The following CDKAL1 variants were observed in gnomAD, a reference collection of about 807,000 sequenced individuals.
CDKAL1 encodes threonylcarbamoyladenosine tRNA methylthiotransferase.
Under a neutral mutation model 68.2 loss-of-function variants are expected in CDKAL1, and 32 were observed. The observed-to-expected ratio is 0.47, with a 90% CI of 0.35 to 0.63. CDKAL1 has a LOEUF of 0.63. Ranked by LOEUF, CDKAL1 falls within the 30% of genes least tolerant of loss-of-function variation. The pLI, the probability that CDKAL1 is intolerant of heterozygous loss-of-function variation, is 0.00. For synonymous variants in CDKAL1, 234 were observed against 244.3 expected (o/e 0.96, Z 0.39); for missense variants, 606 against 696.7 (o/e 0.87, Z 1.47).
chr6:20,710,528 T>C (rs1367579944), intron 5 of CDKAL1, among the ~76,000 whole-genome samples: 2 of 152,204 alleles, frequency 1.3e-5, no homozygotes, highest in African/African-American at 4.8e-5. Flanking sequence ...TTTCTTAAAA[T>C]GTATCCGCAT....
chr6:21,214,028 C>G (rs568484310), intron 15 of CDKAL1, among the ~76,000 whole-genome samples: 3 of 152,282 alleles, frequency 2.0e-5, no homozygotes, highest in African/African-American at 7.2e-5. Context: ...CATGCTACAG[C>G]ATAGGCAAAT....
rs573455986 is a variant in CDKAL1, at chr6:21,142,622, T to C, written c.1299+34159T>C. On this transcript the variant is annotated intron_variant, in intron 13 of 15. Coordinates refer to ENST00000274695, the MANE Select transcript of CDKAL1 (RefSeq NM_017774.3). ...GATAAGAGGAGCATAGTGCCAGGTA[T>C]TATGAAGATTCAGACATGAGCAGTG... is the stretch of plus-strand genomic sequence containing the variant. Among the ~76,000 whole-genome samples, 39 of 152,300 alleles carry C rather than the reference T, an allele frequency of 2.6e-4. 1 individual carries two copies. The highest frequency in any genetic ancestry group is 2.6e-4 in the Non-Finnish European group (18 of 68,030).
At chr6:20,809,201 CTT>C (rs928092685) in intron 8 of CDKAL1, among the ~76,000 whole-genome samples, 1 of 152,190 alleles carries the variant, frequency 6.6e-6, no homozygotes, top group African/African-American at 2.4e-5. Context: ...CTAATTAAGA[CTT>C]TTCAGCTACA....
At chr6:20,892,147 T>G (rs547516644) in intron 9 of CDKAL1, among the ~76,000 whole-genome samples, 1 of 152,298 alleles carries the variant, frequency 6.6e-6, no homozygotes, top group Admixed American at 6.5e-5. Flanking sequence ...TTCCCATTCT[T>G]AAAGGATGCA....
At chr6:20,880,124 G>A (rs1393280291) in intron 9 of CDKAL1, among the ~76,000 whole-genome samples, 1 of 152,184 alleles carries the variant, frequency 6.6e-6, no homozygotes, top group Non-Finnish European at 1.5e-5. Context: ...AATTATATAA[G>A]TAATTTCCTC....
intron 11 of CDKAL1, among the ~76,000 whole-genome samples, chr6:21,062,711 TG>T (rs1313439289): frequency 6.6e-6 from 1 of 152,194 alleles, no homozygotes; most frequent in East Asian, 1.9e-4. Context: ...AAAATAGATT[TG>T]TCATGCTTCT....
intron 8 of CDKAL1, among the ~76,000 whole-genome samples, chr6:20,812,481 T>C (rs1776862911): frequency 6.6e-6 from 1 of 152,212 alleles, no homozygotes; most frequent in Non-Finnish European, 1.5e-5. Flanking sequence ...ACCATAATCA[T>C]GATAATGAAC....
chr6:20,788,643 T>TTA (rs1775771711), intron 8 of CDKAL1, among the ~76,000 whole-genome samples: 1 of 152,240 alleles, frequency 6.6e-6, no homozygotes, highest in African/African-American at 2.4e-5. Flanking sequence ...TGCTACCTAC[T>TTA]GAATGTATAG....
At chr6:20,870,339 T>C (rs2150539942) in intron 9 of CDKAL1, among the ~76,000 whole-genome samples, 1 of 152,342 alleles carries the variant, frequency 6.6e-6, no homozygotes, top group East Asian at 1.9e-4. Context: ...AATGCCCAAC[T>C]AACTTTTTTC....
At chr6:21,006,468 T>G (rs1235969823) in intron 11 of CDKAL1, among the ~76,000 whole-genome samples, 2 of 152,200 alleles carry the variant, frequency 1.3e-5, no homozygotes, top group East Asian at 3.8e-4. Flanking sequence ...TCTAGTATCT[T>G]TAGCTAAGTT....
intron 6 of CDKAL1, among the ~76,000 whole-genome samples, chr6:20,755,456 C>G (rs1774127734): frequency 6.6e-6 from 1 of 151,378 alleles, no homozygotes; most frequent in Non-Finnish European, 1.5e-5. Flanking sequence ...TCATTTTTTT[C>G]TTTCTCCAAC....
intron 13 of CDKAL1, among the ~76,000 whole-genome samples, chr6:21,191,060 A>G (rs1474169805): frequency 1.3e-5 from 2 of 152,238 alleles, no homozygotes; most frequent in Non-Finnish European, 2.9e-5. Context: ...TCCAAAGAAT[A>G]CTTTTGCAAG....
At chr6:20,698,675 G>A (rs1771211210) in intron 5 of CDKAL1, among the ~76,000 whole-genome samples, 1 of 152,152 alleles carries the variant, frequency 6.6e-6, no homozygotes, top group Non-Finnish European at 1.5e-5. Flanking sequence ...TCTCATCACA[G>A]CATATCAGGG....
At chr6:21,082,466 G>GT (rs1772456764) in intron 12 of CDKAL1, among the ~76,000 whole-genome samples, 1 of 152,188 alleles carries the variant, frequency 6.6e-6, no homozygotes, top group Non-Finnish European at 1.5e-5. Context: ...CTCAGGTTAT[G>GT]TAACTATTAA....
intron 5 of CDKAL1, among the ~76,000 whole-genome samples, chr6:20,683,171 C>T (rs1581377902): frequency 2.6e-5 from 4 of 152,032 alleles, no homozygotes; most frequent in Admixed American, 2.6e-4. Context: ...TATACTTTGT[C>T]TAGTTTAATC....
intron 13 of CDKAL1, among the ~76,000 whole-genome samples, chr6:21,165,605 A>C (rs928366831): frequency 1.1e-4 from 17 of 152,220 alleles, no homozygotes; most frequent in Non-Finnish European, 1.6e-4. Flanking sequence ...TTAGTAAATT[A>C]CTGTGTTGAC....
At chr6:21,175,845 A>G (rs1253745676) in intron 13 of CDKAL1, among the ~76,000 whole-genome samples, 1 of 152,254 alleles carries the variant, frequency 6.6e-6, no homozygotes, top group Non-Finnish European at 1.5e-5. Context: ...CATGGTAGTA[A>G]TCTGCTCCTC....
intron 9 of CDKAL1, among the ~76,000 whole-genome samples, chr6:20,874,748 C>T (rs1760411232): frequency 6.6e-6 from 1 of 151,978 alleles, no homozygotes; most frequent in Non-Finnish European, 1.5e-5. Flanking sequence ...AGTGATCCGC[C>T]TACCTTGGCC....
Position 21,217,294 on chromosome 6 carries a change from CTTTTTTTTTTTTT to C in CDKAL1, c.1549-13549_1549-13537del, listed in dbSNP as rs57097019. Among the ~76,000 whole-genome samples, 3 of 142,824 alleles carry C rather than the reference CTTTTTTTTTTTTT, an allele frequency of 2.1e-5. No individual in the cohort carries two copies. In the Admixed American group the frequency reaches 2.1e-4, roughly 10 times the overall value. The allele number at this position is 142,824 out of a possible 152,430, so 93.7% of individuals were successfully genotyped here. A position where few individuals can be genotyped will look rare whatever the true frequency, so the allele number is the denominator to read the frequency against. On this transcript the variant is annotated intron_variant, in intron 15 of 15. Transcript: ENST00000274695. ...TCATTGATGTTTAGGATTTCTTTTTCTTTTTTTTTTTTTTTTTGAGTCAGGGTCTTGCACTGTT... is the reference window on the plus strand; with the variant it reads ...TCATTGATGTTTAGGATTTCTTTTTCTTTTGAGTCAGGGTCTTGCACTGTT...
Sources: allele counts gnomAD v4.1 joint callset (sites outside exome capture counted in the v4.1 genomes callset), GRCh38; gene constraint gnomAD v4.1.1; transcripts MANE v1.5; gene names NCBI Gene and HGNC (gene_info 2026-07-23, HGNC 2026-07-21).